Variants in L3HYPDH observed in about 807,000 individuals in gnomAD.
The protein encoded by L3HYPDH is trans-3-hydroxy-L-proline dehydratase.
Under a neutral mutation model 26.5 loss-of-function variants are expected in L3HYPDH, and 32 were observed. The observed-to-expected ratio is 1.21, with a 90% CI of 0.91 to 1.62. The LOEUF is 1.62. L3HYPDH is among the 40% of genes most tolerant of loss of function. The pLI, the probability that L3HYPDH is intolerant of heterozygous loss-of-function variation, is 0.00. For synonymous variants in L3HYPDH, 215 were observed against 196.6 expected, an observed-to-expected ratio of 1.09 and a Z score of -0.78; for missense variants, 554 against 476.4, an observed-to-expected ratio of 1.16 and a Z score of -1.52.
chr14:59,502,594 T>C, the L3HYPDH span, among the ~76,000 whole-genome samples: 1 of 152,164 alleles, frequency 6.6e-6, no homozygotes, highest in Non-Finnish European at 1.5e-5. Flanking sequence ...TGTTTTCATC[T>C]GTAGATGATC....
At chr14:59,480,334 G>C (rs543272660) in intron 1 of L3HYPDH, among the ~76,000 whole-genome samples, 85 of 152,330 alleles carry the variant, frequency 5.6e-4, no homozygotes, top group South Asian at 1.2e-3. Context: ...AGGAGCAGGA[G>C]TGAAGAAACA....
Position 59,472,757 on chromosome 14 carries a change from T to G in L3HYPDH, c.*208A>C. The G allele has an allele frequency of 2.5e-6, 1 of 396,868 alleles. No homozygotes were observed. Among genetic ancestry groups the G allele is most frequent in the Non-Finnish European group, 4.4e-6 (1 of 228,892 alleles). The allele number at this position is 396,868 out of a possible 1,614,324, so 24.6% of individuals were successfully genotyped here. A position where few individuals can be genotyped will look rare whatever the true frequency, so the allele number is the denominator to read the frequency against. ...GAAAAAGACTCTGAATTTCTGGCAT[T>G]TTGTATGCTAGACATAAGTGATATT... On this transcript the variant is annotated 3_prime_UTR_variant, in exon 5 of 5. Transcript: ENST00000247194.
chr14:59,484,704 G>A, upstream of L3HYPDH: 1 of 1,358,016 alleles, frequency 7.4e-7, no homozygotes, highest in Non-Finnish European at 1.0e-6. Flanking sequence ...GGCGGCGCAG[G>A]CTCGCCCCTT....
At chr14:59,485,176 T>G (rs1378277112), upstream of L3HYPDH, 1 of 1,554,210 alleles carries the variant, frequency 6.4e-7, no homozygotes, top group Non-Finnish European at 8.7e-7. Context: ...GGCCTTGGAT[T>G]TTGAGAAACT....
Position 59,484,122 on chromosome 14 carries a change from G to C in L3HYPDH, c.195C>G (p.Leu65=). The change falls in exon 1 of 5, where the codon CTC becomes CTG. Residue 65 remains leucine, a synonymous_variant. Transcript: ENST00000247194. ...RQHLDHVRRR[L]MFEPRGHRDM... ...CCCGGTGCCCTCGGGGCTCGAACAT[G>C]AGCCGTCGCCGCACGTGGTCAAGGT... 3 of 1,603,280 alleles carry C rather than the reference G, an allele frequency of 1.9e-6. No individual in the cohort carries two copies. The highest frequency in any genetic ancestry group is 2.5e-6 in the Non-Finnish European group (3 of 1,179,100).
chr14:59,503,215 C>G, the L3HYPDH span, among the ~76,000 whole-genome samples: 16 of 152,120 alleles, frequency 1.1e-4, no homozygotes, highest in African/African-American at 3.1e-4. Context: ...CAGCTTAGTA[C>G]TGGTTGAGTT....
chr14:59,484,070 T>C lies in L3HYPDH; in HGVS notation c.247A>G (p.Ser83Gly), dbSNP rs1013398032. Residue 83 changes from serine (S) to glycine (G), a missense_variant, in exon 1 of 5, where the codon AGC (serine) becomes GGC (glycine). Physicochemically the swap from Ser to Gly is moderately conservative, Grantham distance 56. Coordinates refer to ENST00000247194, the MANE Select transcript of L3HYPDH (RefSeq NM_144581.2). ...CCCAGATGCGCGTCCGGCAGCTCGC[T>C]CGGGACTAGGACCGCCCCGTACATG... ...RDMYGAVLVP[S>G]ELPDAHLGVL... 10 of 1,606,998 alleles carry C rather than the reference T, an allele frequency of 6.2e-6. No individual in the cohort carries two copies. Among genetic ancestry groups the C allele is most frequent in the Middle Eastern group, 1.6e-4 (1 of 6,078 alleles).
chr14:59,501,242 T>C, the L3HYPDH span: 1 of 1,602,954 alleles, frequency 6.2e-7, no homozygotes, highest in Admixed American at 1.7e-5. Context: ...ACTCTGGCTG[T>C]GTACATGTCT....
At chr14:59,495,295 C>A in the L3HYPDH span, 1 of 1,203,608 alleles carries the variant, frequency 8.3e-7, no homozygotes, top group Non-Finnish European at 1.2e-6. Flanking sequence ...GATTTTATGG[C>A]GTTTGGAGAC....
At chr14:59,483,767 G>T in intron 1 of L3HYPDH, 42 bp downstream of exon 1, 2 of 1,580,624 alleles carry the variant, frequency 1.3e-6, no homozygotes, top group East Asian at 2.3e-5. Context: ...GTCGCGTCCC[G>T]GTTGCAGCTC....
chr14:59,475,771 T>C (rs1889583778), intron 4 of L3HYPDH, 98 bp downstream of exon 4: 7 of 1,232,104 alleles, frequency 5.7e-6, no homozygotes, highest in Non-Finnish European at 7.9e-6. Flanking sequence ...AATTCTCTTC[T>C]GAGAGCTGAG....
chr14:59,494,695 A>G, the L3HYPDH span, among the ~76,000 whole-genome samples: 1 of 152,176 alleles, frequency 6.6e-6, no homozygotes, highest in African/African-American at 2.4e-5. Flanking sequence ...TAATTACTAT[A>G]CTTTCTAACA....
chr14:59,490,012 TC>T, the L3HYPDH span, among the ~76,000 whole-genome samples: 7 of 152,174 alleles, frequency 4.6e-5, no homozygotes, highest in Non-Finnish European at 8.8e-5. Context: ...AACCTTGACT[TC>T]CTAGGCTCAA....
At chr14:59,470,183 G>C (rs1049368430), downstream of L3HYPDH, among the ~76,000 whole-genome samples, 2 of 152,150 alleles carry the variant, frequency 1.3e-5, no homozygotes, top group Non-Finnish European at 2.9e-5. Context: ...TCAGAGCTTA[G>C]AGGAGAAGTT....
downstream of L3HYPDH, among the ~76,000 whole-genome samples, chr14:59,468,347 T>C (rs950267887): frequency 6.6e-6 from 1 of 152,200 alleles, no homozygotes; most frequent in African/African-American, 2.4e-5. Flanking sequence ...GGTACCACTT[T>C]CCTTCTTTTT....
At chr14:59,502,760 T>TGTTTTGTTTTGTTTTG in the L3HYPDH span, among the ~76,000 whole-genome samples, 3,764 of 130,034 alleles carry the variant, frequency 0.029, 159 homozygotes, top group Non-Finnish European at 0.048. Flanking sequence ...ATTTTTTTTT[T>TGTTTTGTTTTGTTTTG]TTTTTTTTTT....
chr14:59,478,576 C>A (rs1459849475), intron 2 of L3HYPDH: 2 of 152,202 alleles, frequency 1.3e-5, no homozygotes, highest in Non-Finnish European at 2.9e-5. Context: ...CAGAGCAAGA[C>A]CCTGTCTCAA....
At chr14:59,498,928 T>G in the L3HYPDH span, 1 of 1,458,848 alleles carries the variant, frequency 6.9e-7, no homozygotes, top group Non-Finnish European at 9.4e-7. Flanking sequence ...ATGGGTAAAG[T>G]CAATGAAATA....
chr14:59,471,395 A>G (rs1300999835), downstream of L3HYPDH, among the ~76,000 whole-genome samples: 4 of 152,188 alleles, frequency 2.6e-5, no homozygotes, highest in Non-Finnish European at 5.9e-5. Flanking sequence ...TGACCTTAGG[A>G]GAGTTATTTA....
Sources: allele counts gnomAD v4.1 joint callset (sites outside exome capture counted in the v4.1 genomes callset), GRCh38; gene constraint gnomAD v4.1.1; transcripts MANE v1.5; gene names NCBI Gene and HGNC (gene_info 2026-07-23, HGNC 2026-07-21).